The following CCDC71L variants were observed in gnomAD, a reference collection of about 807,000 sequenced individuals.
CCDC71L encodes the protein coiled-coil domain containing 71 like.
Under a neutral mutation model 10.2 loss-of-function variants are expected in CCDC71L, and 6 were observed. The observed-to-expected ratio is 0.59, with a 90% CI of 0.32 to 1.16. CCDC71L has a LOEUF of 1.16. CCDC71L is among the 50% of genes most tolerant of loss of function. The pLI, the probability that CCDC71L is intolerant of heterozygous loss-of-function variation, is 0.05. For missense variants in CCDC71L, 366 were observed against 383.4 expected (o/e 0.95, Z 0.38); for synonymous variants, 204 against 175.5 (o/e 1.16, Z -1.28).
In CCDC71L at chr7:106,660,352, C is replaced by T. The variant is rs1401240849; in HGVS notation, c.545G>A (p.Arg182Lys). Residue 182 changes from arginine to lysine, a missense_variant, in exon 1 of 1, where the codon AGG becomes AAG. Coordinates refer to ENST00000523505, the MANE Select transcript of CCDC71L (RefSeq NM_175884.6). This position sits in a 1 kb window ranked among gnomAD's most constrained non-coding sequence, Gnocchi z 7.5. ...GGTGGTCAGCGTCGGGGTGGCCGCC[C>T]TCCAGATCTCCTCCAAGGTGCGGCC... ...FGGRTLEEIW[R>K]AATPTLTTFP... is the part of the protein sequence containing the mutation. The T allele has an allele frequency of 6.9e-7, 1 of 1,449,640 alleles. No individual in the cohort carries two copies. Among genetic ancestry groups the T allele is most frequent in the Non-Finnish European group, 9.0e-7 (1 of 1,108,566 alleles). The allele number at this position is 1,449,640 out of a possible 1,614,324, so 89.8% of individuals were successfully genotyped here. A position where few individuals can be genotyped will look rare whatever the true frequency, so the allele number is the denominator to read the frequency against.
In CCDC71L at chr7:106,660,633, G is replaced by A. The variant is rs1441583491; in HGVS notation, c.264C>T (p.Phe88=). ...WSFLCSLKHQ[F]SPHILRSKDV... is the part of the protein sequence containing the mutation. ...CCTTGCTGCGCAGGATGTGCGGGGA[G>A]AACTGGTGCTTGAGGCTGCAGAGGA... Residue 88 remains phenylalanine, a synonymous_variant, in exon 1 of 1, where the codon TTC becomes TTT. Transcript: ENST00000523505. This position sits in a 1 kb window ranked among gnomAD's most constrained non-coding sequence, Gnocchi z 7.5. The A allele has an allele frequency of 6.9e-6, 11 of 1,590,684 alleles. No individual in the cohort carries two copies. The Admixed American group carries it at 1.4e-4, about 20-fold the overall frequency.
chr7:106,659,969 A>G lies in CCDC71L; in HGVS notation c.*220T>C. The G allele has an allele frequency of 1.9e-6, 1 of 540,290 alleles. No individual in the cohort carries two copies. The highest frequency in any genetic ancestry group is 3.8e-5 in the East Asian group (1 of 26,562). 33.5% of individuals were successfully genotyped at this position (540,290 alleles called of 1,614,324 possible). On this transcript the variant is annotated 3_prime_UTR_variant, in exon 1 of 1. Coordinates refer to ENST00000523505, the MANE Select transcript of CCDC71L (RefSeq NM_175884.6). ...TGTCCCCTCCCTCCGCAGGCCGGGT[A>G]CGGGAGGCAGCAGAGGGCACACCTG...
rs994755417 is a variant in CCDC71L, at chr7:106,654,445, T to C, written c.*5744A>G. Among the ~76,000 whole-genome samples the C allele has an allele frequency of 6.6e-6, 1 of 151,978 alleles. No homozygotes were observed. Among genetic ancestry groups the C allele is most frequent in the Non-Finnish European group, 1.5e-5 (1 of 67,952 alleles). ...CCCACCAAGACTGGAATAAATATAT[T>C]GTGGAATATTCACACAGTGGAATTC... On this transcript the variant is annotated 3_prime_UTR_variant, in exon 1 of 1. Transcript: ENST00000523505.
chr7:106,660,162 G>T lies in CCDC71L; in HGVS notation c.*27C>A. 6.7e-7 allele frequency: 1 copy of T among 1,502,502 alleles called. No individual in the cohort carries two copies. The highest frequency in any genetic ancestry group is 8.8e-7 in the Non-Finnish European group (1 of 1,136,862). 93.1% of individuals were successfully genotyped at this position (1,502,502 alleles called of 1,614,324 possible). ...GAAGGCCTGTCCCAAGGTCGGGGCC[G>T]GCAGGAGGCGCCCTGGAGGCCGCAC... On this transcript the variant is annotated 3_prime_UTR_variant, in exon 1 of 1. Coordinates refer to ENST00000523505, the MANE Select transcript of CCDC71L (RefSeq NM_175884.6). This position sits in a 1 kb window ranked among gnomAD's most constrained non-coding sequence, Gnocchi z 7.5.
Position 106,655,633 on chromosome 7 carries a change from T to C in CCDC71L, c.*4556A>G, listed in dbSNP as rs1268074266. Reference sequence around the variant, plus strand: ...GGATCAACAGCTTTAAATCTATTACTGTTATAAATTCTCAGATAGTTTAAA... The same window carrying C: ...GGATCAACAGCTTTAAATCTATTACCGTTATAAATTCTCAGATAGTTTAAA... On this transcript the variant is annotated 3_prime_UTR_variant, in exon 1 of 1. Transcript: ENST00000523505. Among the ~76,000 whole-genome samples the C allele has an allele frequency of 1.3e-5, 2 of 152,192 alleles. No homozygotes were observed. Among genetic ancestry groups the C allele is most frequent in the African/African-American group, 4.8e-5 (2 of 41,452 alleles).
In CCDC71L at chr7:106,656,571, C is replaced by T. The variant is rs768629116; in HGVS notation, c.*3618G>A. Among the ~76,000 whole-genome samples, 35 of 151,132 alleles carry T rather than the reference C, an allele frequency of 2.3e-4. No homozygotes were observed. Among genetic ancestry groups the T allele is most frequent in the Non-Finnish European group, 4.3e-4 (29 of 67,806 alleles). On this transcript the variant is annotated 3_prime_UTR_variant, in exon 1 of 1. Coordinates refer to ENST00000523505, the MANE Select transcript of CCDC71L (RefSeq NM_175884.6). Reference sequence around the variant, plus strand: ...GGCTTGTAGCGCCATCCTAAAAATTCGCTAGATAATTAAAGAATTGATGGA... The same window carrying T: ...GGCTTGTAGCGCCATCCTAAAAATTTGCTAGATAATTAAAGAATTGATGGA...
rs1792546511 is a variant in CCDC71L, at chr7:106,659,334, A to C, written c.*855T>G. 6.6e-6 allele frequency: 1 copy of C among 151,274 alleles called. No individual in the cohort carries two copies. Among genetic ancestry groups the C allele is most frequent in the Non-Finnish European group, 1.5e-5 (1 of 67,854 alleles). The allele number at this position is 151,274 out of a possible 1,614,324, so 9.4% of individuals were successfully genotyped here. ...AACCAAAACCAGTTCTTCACAATTT[A>C]TTCATTTTTTTTAATCACACACCAT... On this transcript the variant is annotated 3_prime_UTR_variant, in exon 1 of 1. Coordinates refer to ENST00000523505, the MANE Select transcript of CCDC71L (RefSeq NM_175884.6).
Position 106,660,709 on chromosome 7 carries a change from A to G in CCDC71L, c.188T>C (p.Phe63Ser). The change falls in exon 1 of 1, where the codon TTC (phenylalanine) becomes TCC (serine). Residue 63 changes from phenylalanine to serine, a missense_variant. Physicochemically the swap from Phe to Ser is radical, Grantham distance 155. Transcript: ENST00000523505. This position sits in a 1 kb window ranked among gnomAD's most constrained non-coding sequence, Gnocchi z 7.5. ...CATGAACTCCGTGCTGCGGGGCATGAAGAGCTTGAAGGCGTCGCCCAGCGC... is the reference window on the plus strand; with the variant it reads ...CATGAACTCCGTGCTGCGGGGCATGGAGAGCTTGAAGGCGTCGCCCAGCGC... ...TKALGDAFKL[F>S]MPRSTEFMSS... 6.3e-7 allele frequency: 1 copy of G among 1,581,278 alleles called. No homozygotes were observed. Among genetic ancestry groups the G allele is most frequent in the Non-Finnish European group, 8.6e-7 (1 of 1,163,712 alleles).
Position 106,658,346 on chromosome 7 carries a change from A to T in CCDC71L, c.*1843T>A, listed in dbSNP as rs1481193149. ...TGAGGCTTACTAGAAAACTGGCATC[A>T]AGTTATATATATGTGTGTATATATA... On this transcript the variant is annotated 3_prime_UTR_variant, in exon 1 of 1. Coordinates refer to ENST00000523505, the MANE Select transcript of CCDC71L (RefSeq NM_175884.6). 1 of 152,200 alleles carries T rather than the reference A, an allele frequency of 6.6e-6. No individual in the cohort carries two copies. The highest frequency in any genetic ancestry group is 2.4e-5 in the African/African-American group (1 of 41,452). 9.4% of individuals were successfully genotyped at this position (152,200 alleles called of 1,614,324 possible). A position where few individuals can be genotyped will look rare whatever the true frequency, so the allele number is the denominator to read the frequency against.
At position 106,660,844 on chromosome 7, in the gene CCDC71L, GTGGC is replaced by G; in HGVS notation, c.49_52del (p.Ala17ArgfsTer54). 6.7e-7 allele frequency: 1 copy of G among 1,496,980 alleles called. No homozygotes were observed. The highest frequency in any genetic ancestry group is 1.3e-5 in the South Asian group (1 of 78,116). 92.7% of individuals were successfully genotyped at this position (1,496,980 alleles called of 1,614,324 possible). ...CCTAAAGTCGCCGCCCCGGGCGGCCGTGGCCGGGGCGACCGGGCGCCGGCGCCGC... is the reference window on the plus strand; with the variant it reads ...CCTAAAGTCGCCGCCCCGGGCGGCCGCGGGGCGACCGGGCGCCGGCGCCGC... On this transcript the variant is annotated frameshift_variant, in exon 1 of 1. Transcript: ENST00000523505. LOFTEE classifies it high-confidence loss of function. This position sits in a 1 kb window ranked among gnomAD's most constrained non-coding sequence, Gnocchi z 7.5.
rs1452164294 is a variant in CCDC71L at position 106,658,940 on chromosome 7, A to T, written c.*1249T>A. The stretch of plus-strand genomic sequence containing the variant: ...ATCAACTAAAAATCAACTAATTTTC[A>T]TTATGTTTGTAAAACTGATGAATAT... On this transcript the variant is annotated 3_prime_UTR_variant, in exon 1 of 1. Transcript: ENST00000523505. 1 of 152,282 alleles carries T rather than the reference A, an allele frequency of 6.6e-6. No individual in the cohort carries two copies. The highest frequency in any genetic ancestry group is 2.4e-5 in the African/African-American group (1 of 41,458). The allele number at this position is 152,282 out of a possible 1,614,324, so 9.4% of individuals were successfully genotyped here.
At position 106,657,501 on chromosome 7, in the gene CCDC71L, G is replaced by A. The variant is rs1423677901; in HGVS notation, c.*2688C>T. The A allele has an allele frequency of 6.6e-6, 1 of 152,166 alleles. No individual in the cohort carries two copies. The highest frequency in any genetic ancestry group is 2.4e-5 in the African/African-American group (1 of 41,444). 9.4% of individuals were successfully genotyped at this position (152,166 alleles called of 1,614,324 possible). A position where few individuals can be genotyped will look rare whatever the true frequency, so the allele number is the denominator to read the frequency against. On this transcript the variant is annotated 3_prime_UTR_variant, in exon 1 of 1. Coordinates refer to ENST00000523505, the MANE Select transcript of CCDC71L (RefSeq NM_175884.6). ...CTTTCAAAAACTATACACAAGCTAA[G>A]CTACAGACTTCACTTCAGAGGAGTA... is the stretch of plus-strand genomic sequence containing the variant.
rs1792535790 is a variant in CCDC71L at position 106,658,871 on chromosome 7, A to AT, written c.*1317dup. ...GTCAAAGACCTAGAACTGCAAACAT[A>AT]TAATGAGTGGCAAAAAGGTTAAAAA... On this transcript the variant is annotated 3_prime_UTR_variant, in exon 1 of 1. Transcript: ENST00000523505. The AT allele has an allele frequency of 2.0e-5, 3 of 152,660 alleles. No individual in the cohort carries two copies. 9.5% of individuals were successfully genotyped at this position (152,660 alleles called of 1,614,324 possible). A position where few individuals can be genotyped will look rare whatever the true frequency, so the allele number is the denominator to read the frequency against.
Position 106,658,156 on chromosome 7 carries a change from T to C in CCDC71L, c.*2033A>G, listed in dbSNP as rs1792522366. Reference sequence around the variant, plus strand: ...ATTTTTGGGAAGAAAACCCTATGCATCTGAAATACAATTGGCAATGGAAGC... The same window carrying C: ...ATTTTTGGGAAGAAAACCCTATGCACCTGAAATACAATTGGCAATGGAAGC... On this transcript the variant is annotated 3_prime_UTR_variant, in exon 1 of 1. Transcript: ENST00000523505. The C allele has an allele frequency of 6.6e-6, 1 of 152,206 alleles. No homozygotes were observed. Among genetic ancestry groups the C allele is most frequent in the African/African-American group, 2.4e-5 (1 of 41,452 alleles). The allele number at this position is 152,206 out of a possible 1,614,324, so 9.4% of individuals were successfully genotyped here.
Position 106,658,095 on chromosome 7 carries a change from T to C in CCDC71L, c.*2094A>G, listed in dbSNP as rs1163664520. The C allele has an allele frequency of 6.6e-6, 1 of 152,206 alleles. No homozygotes were observed. Among genetic ancestry groups the C allele is most frequent in the Non-Finnish European group, 1.5e-5 (1 of 68,016 alleles). 9.4% of individuals were successfully genotyped at this position (152,206 alleles called of 1,614,324 possible). On this transcript the variant is annotated 3_prime_UTR_variant, in exon 1 of 1. Transcript: ENST00000523505. ...TAGTAAAGTTGTACAAATACATTTT[T>C]TCCAGGTGCTAGTTAGCTATAAAAG...
rs933932436 is a variant in CCDC71L at position 106,654,368 on chromosome 7, T to C, written c.*5821A>G. 6.6e-6 allele frequency among the ~76,000 whole-genome samples: 1 copy of C among 151,920 alleles called. No homozygotes were observed. The highest frequency in any genetic ancestry group is 2.4e-5 in the African/African-American group (1 of 41,388). ...GTTCACCAAAAGACATGTTTTAGAA[T>C]ATTCATCAAAGCTTTATTTATAATT... On this transcript the variant is annotated 3_prime_UTR_variant, in exon 1 of 1. Coordinates refer to ENST00000523505, the MANE Select transcript of CCDC71L (RefSeq NM_175884.6).
In CCDC71L at chr7:106,660,703, G is replaced by A; in HGVS notation, c.194C>T (p.Pro65Leu). 1.9e-6 allele frequency: 3 copies of A among 1,583,304 alleles called. No individual in the cohort carries two copies. Among genetic ancestry groups the A allele is most frequent in the Non-Finnish European group, 2.6e-6 (3 of 1,164,764 alleles). ...CGAGCTCATGAACTCCGTGCTGCGGGGCATGAAGAGCTTGAAGGCGTCGCC... is the reference window on the plus strand; with the variant it reads ...CGAGCTCATGAACTCCGTGCTGCGGAGCATGAAGAGCTTGAAGGCGTCGCC... The part of the protein sequence containing the change: ...ALGDAFKLFM[P>L]RSTEFMSSDA... The change falls in exon 1 of 1, where the codon CCC becomes CTC. Residue 65 changes from proline to leucine, a missense_variant. Pro to Leu is a moderately conservative substitution (Grantham distance 98). Transcript: ENST00000523505. The surrounding 1 kb of genome is among the most constrained non-coding windows in gnomAD (Gnocchi z 7.5).
Position 106,660,947 on chromosome 7 carries a change from G to C in CCDC71L, c.-51C>G, listed in dbSNP as rs1355439190. 1 of 1,308,384 alleles carries C rather than the reference G, an allele frequency of 7.6e-7. No homozygotes were observed. Among genetic ancestry groups the C allele is most frequent in the Admixed American group, 4.2e-5 (1 of 23,836 alleles). The allele number at this position is 1,308,384 out of a possible 1,614,324, so 81.0% of individuals were successfully genotyped here. A position where few individuals can be genotyped will look rare whatever the true frequency, so the allele number is the denominator to read the frequency against. The stretch of plus-strand genomic sequence containing the variant: ...CTCGCCGGGTCCCACTACTGCCGCC[G>C]CCGTCCCAGTCCGCGTTGGCTCCGC... On this transcript the variant is annotated 5_prime_UTR_variant, in exon 1 of 1. Transcript: ENST00000523505. This position sits in a 1 kb window ranked among gnomAD's most constrained non-coding sequence, Gnocchi z 7.5.
rs1395604632 is a variant in CCDC71L, at chr7:106,660,470, G to A, written c.427C>T (p.Arg143Cys). The A allele has an allele frequency of 8.2e-7, 1 of 1,225,728 alleles. No homozygotes were observed. Among genetic ancestry groups the A allele is most frequent in the Non-Finnish European group, 1.0e-6 (1 of 985,546 alleles). The allele number at this position is 1,225,728 out of a possible 1,614,324, so 75.9% of individuals were successfully genotyped here. Reference sequence around the variant, plus strand: ...GGTGGCGGCCGGGGCTTCCTCCTGCGGGCAGCGGCCGCCCGGGCTCCGCGG... The same window carrying A: ...GGTGGCGGCCGGGGCTTCCTCCTGCAGGCAGCGGCCGCCCGGGCTCCGCGG... ...RRRGARAAAARRRKPRPPPPP... is the reference protein window; with the variant it reads ...RRRGARAAAACRRKPRPPPPP... Residue 143 changes from arginine to cysteine, a missense_variant, in exon 1 of 1, where the codon CGC becomes TGC. Transcript: ENST00000523505. The surrounding 1 kb of genome is among the most constrained non-coding windows in gnomAD (Gnocchi z 7.5).
Sources: gnomAD v4.1 joint callset for allele counts (sites outside exome capture counted in the v4.1 genomes callset) on GRCh38, gnomAD v4.1.1 for gene constraint, Gnocchi (gnomAD v3.1) non-coding constraint, MANE v1.5 for transcripts, NCBI Gene and HGNC (gene_info 2026-07-23, HGNC 2026-07-21) for gene names.